Variants in PLPPR5 observed in about 807,000 individuals in gnomAD.
The protein encoded by PLPPR5 is phospholipid phosphatase related 5.
A neutral mutation model predicts 33.9 loss-of-function variants in PLPPR5; 16 were observed. That is an observed-to-expected ratio of 0.47 (90% CI 0.32 to 0.72). The LOEUF is 0.72. PLPPR5 is among the 30% of genes least tolerant of loss of function. The pLI, the probability that PLPPR5 is intolerant of heterozygous loss-of-function variation, is 0.03. For synonymous variants in PLPPR5, 163 were observed against 150.3 expected, an observed-to-expected ratio of 1.08 and a Z score of -0.62; for missense variants, 301 against 406.7, an observed-to-expected ratio of 0.74 and a Z score of 2.23.
intron 3 of PLPPR5, among the ~76,000 whole-genome samples, chr1:98,928,548 C>CATATATATATATATATATATATAAATAT (rs1649846667): frequency 1.4e-5 from 1 of 73,880 alleles, no homozygotes; most frequent in Non-Finnish European, 2.9e-5. Context: ...AGTTTTAAAT[C>CATATATATATATATATATATATAAATAT]ATATATATAT....
rs138508347 is a variant in PLPPR5, at chr1:98,965,806, T to C, written c.238-9065A>G. Among the ~76,000 whole-genome samples the C allele has an allele frequency of 5.4e-3, 826 of 152,348 alleles. 3 individuals are homozygous for C. The highest frequency in any genetic ancestry group is 0.014 in the Middle Eastern group (4 of 294). ...CCTCTAACTGGTGGTAACTCAAAGATATCCATGCATCATTGATTTGAAATT... is the reference window on the plus strand; with the variant it reads ...CCTCTAACTGGTGGTAACTCAAAGACATCCATGCATCATTGATTTGAAATT... On this transcript the variant is annotated intron_variant, in intron 1 of 5. Transcript: ENST00000263177.
At chr1:98,924,622 C>T (rs1357611972) in intron 3 of PLPPR5, among the ~76,000 whole-genome samples, 3 of 152,176 alleles carry the variant, frequency 2.0e-5, no homozygotes, top group Admixed American at 6.5e-5. Context: ...TCCCTCACCC[C>T]CGAAGGCCAT....
At chr1:98,950,017 G>C (rs1444903112) in intron 3 of PLPPR5, among the ~76,000 whole-genome samples, 1 of 152,166 alleles carries the variant, frequency 6.6e-6, no homozygotes, top group South Asian at 2.1e-4. Flanking sequence ...CTGCACCCTT[G>C]GCTTTACAGT....
chr1:98,947,914 T>A (rs1650615754), intron 3 of PLPPR5, among the ~76,000 whole-genome samples: 1 of 152,220 alleles, frequency 6.6e-6, no homozygotes, highest in Non-Finnish European at 1.5e-5. Flanking sequence ...TTGTTTGACA[T>A]TTAGAGCACA....
chr1:98,896,155 A>T (rs1217526447), intron 5 of PLPPR5, among the ~76,000 whole-genome samples: 1 of 152,036 alleles, frequency 6.6e-6, no homozygotes. Context: ...TACAACTTAC[A>T]TTACCAAGGT....
intron 5 of PLPPR5, among the ~76,000 whole-genome samples, chr1:98,895,061 T>C (rs1178896871): frequency 6.6e-6 from 1 of 151,992 alleles, no homozygotes; most frequent in Non-Finnish European, 1.5e-5. Flanking sequence ...CAAATAGTAA[T>C]ATAAAGTCAC....
chr1:98,909,413 T>C (rs1649037791), intron 5 of PLPPR5, among the ~76,000 whole-genome samples: 1 of 151,900 alleles, frequency 6.6e-6, no homozygotes, highest in Admixed American at 6.6e-5. Context: ...TTGATTTTAT[T>C]ATATATACAT....
At chr1:98,904,060 T>C (rs1006721020) in intron 5 of PLPPR5, among the ~76,000 whole-genome samples, 3 of 152,180 alleles carry the variant, frequency 2.0e-5, no homozygotes, top group African/African-American at 7.2e-5. Context: ...GTAATTTTCA[T>C]CTGTAATAGT....
chr1:98,955,878 T>C (rs754354506), intron 2 of PLPPR5, among the ~76,000 whole-genome samples: 13 of 152,136 alleles, frequency 8.5e-5, no homozygotes, highest in Non-Finnish European at 1.5e-4. Context: ...CAATTATTTA[T>C]ATTAAATTGT....
At chr1:98,938,260 T>C (rs1426596184) in intron 3 of PLPPR5, among the ~76,000 whole-genome samples, 1 of 152,076 alleles carries the variant, frequency 6.6e-6, no homozygotes, top group African/African-American at 2.4e-5. Context: ...GGAGTTTTTA[T>C]TCATGTCTAA....
intron 1 of PLPPR5, among the ~76,000 whole-genome samples, chr1:98,959,517 A>G (rs550965133): frequency 2.0e-5 from 3 of 152,162 alleles, no homozygotes; most frequent in Non-Finnish European, 2.9e-5. Flanking sequence ...CCATGAATGG[A>G]AAGTCCTCAG....
At chr1:98,992,510 T>C (rs1652483041) in intron 1 of PLPPR5, among the ~76,000 whole-genome samples, 1 of 152,122 alleles carries the variant, frequency 6.6e-6, no homozygotes, top group African/African-American at 2.4e-5. Context: ...AATCACACTG[T>C]AAGAATTCAA....
At chr1:99,005,345 G>T (rs140913290), upstream of PLPPR5, among the ~76,000 whole-genome samples, 1 of 152,156 alleles carries the variant, frequency 6.6e-6, no homozygotes, top group Non-Finnish European at 1.5e-5. Context: ...CAACCGGTGC[G>T]TTCAGCCTGC....
intron 3 of PLPPR5, among the ~76,000 whole-genome samples, chr1:98,950,515 G>A (rs309082): frequency 0.57 from 86,500 of 151,996 alleles, 25,294 homozygotes; most frequent in East Asian, 0.72. Context: ...ACAAGATGTT[G>A]AGATTCTTCT....
intron 1 of PLPPR5, among the ~76,000 whole-genome samples, chr1:98,993,333 G>C (rs185599025): frequency 6.6e-6 from 1 of 151,966 alleles, no homozygotes; most frequent in African/African-American, 2.4e-5. Context: ...GAGCCTGATA[G>C]TGTGGCTTGA....
At chr1:98,983,359 T>C (rs2100754037) in intron 1 of PLPPR5, among the ~76,000 whole-genome samples, 1 of 128,696 alleles carries the variant, frequency 7.8e-6, no homozygotes, top group East Asian at 2.3e-4. Flanking sequence ...GTTCTTGCGA[T>C]AGTTTACTGA....
chr1:99,004,895 T>C, upstream of PLPPR5: 1 of 202,414 alleles, frequency 4.9e-6, no homozygotes, highest in Middle Eastern at 1.8e-3. Flanking sequence ...ACGAGCCCCC[T>C]CTCCCCTGCC....
intron 3 of PLPPR5, among the ~76,000 whole-genome samples, chr1:98,942,993 C>T (rs1270868800): frequency 6.6e-6 from 1 of 152,158 alleles, no homozygotes; most frequent in East Asian, 1.9e-4. Flanking sequence ...TGGGCTTAAC[C>T]ACCACAAGCC....
chr1:98,988,696 G>T (rs948648240), intron 1 of PLPPR5, among the ~76,000 whole-genome samples: 3 of 152,070 alleles, frequency 2.0e-5, no homozygotes, highest in African/African-American at 7.2e-5. Flanking sequence ...AGGACAAGAA[G>T]TTGATGACTT....
Sources: allele counts gnomAD v4.1 joint callset (sites outside exome capture counted in the v4.1 genomes callset), GRCh38; gene constraint gnomAD v4.1.1; transcripts MANE v1.5; gene names NCBI Gene and HGNC (gene_info 2026-07-23, HGNC 2026-07-21).